Variants in AKAP9 observed in about 807,000 individuals in gnomAD.
The protein encoded by AKAP9 is A-kinase anchoring protein 9.
Under a neutral mutation model 488.5 loss-of-function variants are expected in AKAP9, and 311 were observed. The observed-to-expected ratio is 0.64, with a 90% confidence interval of 0.58 to 0.70. The LOEUF (loss-of-function observed/expected upper bound fraction) is 0.70. AKAP9 is among the 30% of genes least tolerant of loss of function. The pLI, the probability that AKAP9 is intolerant of heterozygous loss-of-function variation, is 0.00. For synonymous variants in AKAP9, 1,462 were observed against 1,483.5 expected, an observed-to-expected ratio of 0.99 and a Z score of 0.33; for missense variants, 4,215 against 4,374.5, an observed-to-expected ratio of 0.96 and a Z score of 1.03.
chr7:91,953,093 G>A (rs1006449921), intron 1 of AKAP9, among the ~76,000 whole-genome samples: 4 of 152,194 alleles, frequency 2.6e-5, no homozygotes, highest in African/African-American at 9.6e-5. Flanking sequence ...AACCATTTAC[G>A]AGGCTGTTGA....
chr7:92,042,218 T>A (rs1457455486), intron 19 of AKAP9, 32 bp downstream of exon 19: 1 of 1,612,942 alleles, frequency 6.2e-7, no homozygotes, highest in Non-Finnish European at 8.5e-7. Flanking sequence ...CTAGGAGCAA[T>A]GGATCACCAA....
intron 16 of AKAP9, among the ~76,000 whole-genome samples, chr7:92,032,818 G>T (rs1305593297): frequency 6.6e-6 from 1 of 151,866 alleles, no homozygotes; most frequent in African/African-American, 2.4e-5. Flanking sequence ...ATTTTCTCTT[G>T]CATGTAGCTC....
rs1799088836 is a variant in AKAP9, at chr7:92,000,994, A to G, written c.1077A>G (p.Leu359=). 21 of 1,545,558 alleles carry G rather than the reference A, an allele frequency of 1.4e-5. No homozygotes were observed. Among genetic ancestry groups the G allele is most frequent in the Non-Finnish European group, 1.6e-5 (18 of 1,147,184 alleles). The change falls in exon 8 of 50, where the codon CTA becomes CTG. Residue 359 remains leucine (L), a synonymous_variant. Transcript: ENST00000356239. Reference sequence around the variant, plus strand: ...AATTAACAACTGCTGATAAATTACTAGGAGAATTACAAGAACAGATTGTGC... The same window carrying G: ...AATTAACAACTGCTGATAAATTACTGGGAGAATTACAAGAACAGATTGTGC... The part of the protein sequence containing the change: ...KDKLTTADKL[L]GELQEQIVQK...
At chr7:92,008,056 A>T (rs1419008500) in intron 8 of AKAP9, among the ~76,000 whole-genome samples, 2 of 152,194 alleles carry the variant, frequency 1.3e-5, no homozygotes, top group Non-Finnish European at 2.9e-5. Context: ...GTTTTCAAGG[A>T]TTTTGAAAGT....
chr7:92,047,548 G>T (rs557826828), intron 21 of AKAP9, among the ~76,000 whole-genome samples: 2 of 152,224 alleles, frequency 1.3e-5, no homozygotes, highest in South Asian at 4.1e-4. Flanking sequence ...AATTTTATGA[G>T]TTTAATTCTG....
At chr7:92,058,313 T>C in intron 22 of AKAP9, 2 of 580,466 alleles carry the variant, frequency 3.4e-6, no homozygotes, top group Non-Finnish European at 3.5e-6. Context: ...TGAAAATAAC[T>C]CAGTAATTGT....
intron 1 of AKAP9, chr7:91,970,600 G>A: frequency 2.5e-6 from 1 of 405,748 alleles, no homozygotes; most frequent in Non-Finnish European, 4.8e-6. Flanking sequence ...GCTGGATACA[G>A]TATCCTTGGG....
intron 12 of AKAP9, among the ~76,000 whole-genome samples, chr7:92,021,394 AC>A (rs1463471401): frequency 2.6e-5 from 4 of 152,164 alleles, no homozygotes; most frequent in African/African-American, 9.7e-5. Flanking sequence ...ATAAATTAGT[AC>A]ACACAGGTAT....
rs149825027 is a variant in AKAP9 at position 91,995,753 on chromosome 7, A to G, written c.883A>G (p.Thr295Ala). 7.4e-5 allele frequency: 119 copies of G among 1,612,988 alleles called. No individual in the cohort carries two copies. The African/African-American group carries it at 1.4e-3, about 18-fold the overall frequency. ...TTATCAGAAAAAGAAAGAAGACTTC[A>G]CAATGCAAATTAGTTTCTTGCAAGA... ...EDYQKKKEDF[T>A]MQISFLQEKI... Residue 295 changes from threonine (T) to alanine (A), a missense_variant, in exon 7 of 50, where the codon ACA becomes GCA. Physicochemically the swap from Thr to Ala is moderately conservative, Grantham distance 58. Coordinates refer to ENST00000356239, the MANE Select transcript of AKAP9 (RefSeq NM_005751.5).
chr7:91,992,478 A>G (rs1366353566), intron 4 of AKAP9, among the ~76,000 whole-genome samples: 3 of 152,042 alleles, frequency 2.0e-5, no homozygotes, highest in Non-Finnish European at 4.4e-5. Context: ...AGCCTGACCA[A>G]CAAGGTGAAA....
chr7:92,098,360 GC>G, intron 43 of AKAP9, 146 bp downstream of exon 43: 4 of 562,784 alleles, frequency 7.1e-6, no homozygotes, highest in Non-Finnish European at 1.2e-5. Context: ...GAATAATAAT[GC>G]TTGCTTTCCC....
At position 92,003,006 on chromosome 7, in the gene AKAP9, G is replaced by A; in HGVS notation, c.3089G>A (p.Gly1030Asp). The change falls in exon 8 of 50, where the codon GGT becomes GAT. Residue 1030 changes from glycine (G) to aspartate (D), a missense_variant. Physicochemically the swap from Gly to Asp is moderately conservative, Grantham distance 94 (BLOSUM62 -1). Coordinates refer to ENST00000356239, the MANE Select transcript of AKAP9 (RefSeq NM_005751.5). ...GGAGTTGTGACCATGACAAGCAGGG[G>A]TGCTGAAGGATCAGTTTCTAAAGTA... ...LDGVVTMTSR[G>D]AEGSVSKVNK... 1 of 1,613,512 alleles carries A rather than the reference G, an allele frequency of 6.2e-7. No individual in the cohort carries two copies.
chr7:92,034,754 C>T (rs1329930425), intron 16 of AKAP9, among the ~76,000 whole-genome samples: 1 of 151,636 alleles, frequency 6.6e-6, no homozygotes, highest in African/African-American at 2.4e-5. Flanking sequence ...CCACCTCGGC[C>T]TCCCAAAGTA....
At position 92,084,702 on chromosome 7, in the gene AKAP9, T is replaced by C. The variant is rs536416835; in HGVS notation, c.8709T>C (p.Ser2903=). The C allele has an allele frequency of 6.2e-7, 1 of 1,610,264 alleles. No homozygotes were observed. The highest frequency in any genetic ancestry group is 1.1e-5 in the South Asian group (1 of 90,836). Residue 2903 remains serine, a splice_region_variant and synonymous_variant, in exon 34 of 50, where the codon AGT becomes AGC. Coordinates refer to ENST00000356239, the MANE Select transcript of AKAP9 (RefSeq NM_005751.5). The part of the protein sequence containing the change: ...DAYQTREICS[S]DSGSDWGQGI... ...ACCAGACTAGAGAAATATGCTCCAGTGGTAAGTTATATAAATATTTGTAAT... is the reference window on the plus strand; with the variant it reads ...ACCAGACTAGAGAAATATGCTCCAGCGGTAAGTTATATAAATATTTGTAAT...
chr7:91,965,391 T>G (rs1202887174), intron 1 of AKAP9, among the ~76,000 whole-genome samples: 2 of 152,232 alleles, frequency 1.3e-5, no homozygotes, highest in African/African-American at 4.8e-5. Context: ...CTGAATAATA[T>G]TCCATTGTGT....
chr7:92,002,568 A>G lies in AKAP9; in HGVS notation c.2651A>G (p.Lys884Arg), dbSNP rs1462450496. Reference sequence around the variant, plus strand: ...GATGATTTAGAAGACAGTAAAAATAAACAGGAATTAGAGTATAAAAGTAAA... The same window carrying G: ...GATGATTTAGAAGACAGTAAAAATAGACAGGAATTAGAGTATAAAAGTAAA... ...VKDDLEDSKN[K>R]QELEYKSKLK... The change falls in exon 8 of 50, where the codon AAA becomes AGA. Residue 884 changes from lysine to arginine, a missense_variant. By Grantham distance (26) the Lys-to-Arg change is conservative (BLOSUM62 2). Transcript: ENST00000356239. 1 of 1,609,464 alleles carries G rather than the reference A, an allele frequency of 6.2e-7. No homozygotes were observed. The highest frequency in any genetic ancestry group is 2.2e-5 in the East Asian group (1 of 44,798).
chr7:92,010,400 T>G (rs1460812814), intron 8 of AKAP9, among the ~76,000 whole-genome samples: 1 of 152,232 alleles, frequency 6.6e-6, no homozygotes, highest in Non-Finnish European at 1.5e-5. Flanking sequence ...CTCAAAGCCT[T>G]TGTCATTAAA....
Position 92,091,594 on chromosome 7 carries a change from AAAAC to A in AKAP9, c.9359-1499_9359-1496del, listed in dbSNP as rs1200778345. On this transcript the variant is annotated intron_variant, in intron 38 of 49. Transcript: ENST00000356239. ...GGGCAAGACTCTGTCTCAAAAAAAAAAAACAAAAAAAAAAAACAAAGCAGAAGCA... is the reference window on the plus strand; with the variant it reads ...GGGCAAGACTCTGTCTCAAAAAAAAAAAAAAAAAAAAACAAAGCAGAAGCA... Among the ~76,000 whole-genome samples the A allele has an allele frequency of 3.8e-4, 57 of 150,422 alleles. 1 individual carries two copies. The highest frequency in any genetic ancestry group is 1.2e-3 in the African/African-American group (49 of 41,118).
At chr7:92,060,060 T>C (rs1375829134) in intron 22 of AKAP9, among the ~76,000 whole-genome samples, 3 of 151,978 alleles carry the variant, frequency 2.0e-5, no homozygotes, top group Non-Finnish European at 4.4e-5. Context: ...ATACTGGATA[T>C]TTTGGAAATT....
Sources: allele counts gnomAD v4.1 joint callset (sites outside exome capture counted in the v4.1 genomes callset), GRCh38; gene constraint gnomAD v4.1.1; transcripts MANE v1.5; gene names NCBI Gene and HGNC (gene_info 2026-07-23, HGNC 2026-07-21).